ADGRD1: variants seen among roughly 807,000 people sequenced by gnomAD.
The protein encoded by ADGRD1 is adhesion G protein-coupled receptor D1.
Under a neutral mutation model 113.4 loss-of-function variants are expected in ADGRD1, and 77 were observed. The ratio of observed to expected loss-of-function variants is 0.68; its 90% CI spans 0.57 to 0.82. The LOEUF (loss-of-function observed/expected upper bound fraction) is 0.82, where lower values mean the gene tolerates loss of function less well. Ranked by LOEUF, ADGRD1 falls within the 40% of genes least tolerant of loss-of-function variation. The pLI, the probability that ADGRD1 is intolerant of heterozygous loss-of-function variation, is 0.00. For missense variants in ADGRD1, 1,036 were observed against 1,139.1 expected, an observed-to-expected ratio of 0.91 and a Z score of 1.30; for synonymous variants, 474 against 475.0, an observed-to-expected ratio of 1.00 and a Z score of 0.03.
chr12:131,118,338 G>A, intron 18 of ADGRD1, 47 bp from the exon 19 acceptor site: 2 of 1,444,156 alleles, frequency 1.4e-6, no homozygotes, highest in East Asian at 2.3e-5. Flanking sequence ...GGGAGGGAGG[G>A]AAGAAAACTG....
At chr12:131,104,956 A>C (rs1593222952) in intron 16 of ADGRD1, 22 bp downstream of exon 16, 1 of 1,480,426 alleles carries the variant, frequency 6.8e-7, no homozygotes, top group Non-Finnish European at 9.2e-7. Flanking sequence ...TTTCTAATCC[A>C]CCCAACAGTC....
rs73473249 is a variant in ADGRD1, at chr12:130,995,772, T to A, written c.966+3380T>A. Among the ~76,000 whole-genome samples, 1,334 of 152,288 alleles carry A rather than the reference T, an allele frequency of 8.8e-3. 11 individuals are homozygous for A. Among genetic ancestry groups the A allele is most frequent in the African/African-American group, 0.028 (1,180 of 41,548 alleles). On this transcript the variant is annotated intron_variant, in intron 8 of 24. Transcript: ENST00000261654. ...TCAACCTGTTTTATTTTATTTTTTT[T>A]AATTTTTTATTGATCATTCTTGGGT...
At chr12:130,997,721 T>G in intron 8 of ADGRD1, among the ~76,000 whole-genome samples, 1 of 137,714 alleles carries the variant, frequency 7.3e-6, no homozygotes, top group South Asian at 2.4e-4. Flanking sequence ...CTTTCCAGAC[T>G]GGGCAGCCAG....
intron 4 of ADGRD1, among the ~76,000 whole-genome samples, chr12:130,974,197 C>T (rs1296674173): frequency 2.0e-5 from 3 of 152,070 alleles, no homozygotes; most frequent in East Asian, 1.9e-4. Flanking sequence ...CTTCTGTGTG[C>T]GGGAAAACAA....
intron 15 of ADGRD1, among the ~76,000 whole-genome samples, chr12:131,093,455 G>A (rs1371460848): frequency 2.0e-5 from 3 of 152,210 alleles, no homozygotes; most frequent in East Asian, 1.9e-4. Flanking sequence ...CGTGCCCCGC[G>A]GTTACCCAGC....
chr12:131,115,004 C>A (rs576685921), intron 18 of ADGRD1, among the ~76,000 whole-genome samples: 1 of 152,272 alleles, frequency 6.6e-6, no homozygotes, highest in South Asian at 2.1e-4. Context: ...CCTCTAGGGA[C>A]AAAACTTAAT....
intron 2 of ADGRD1, among the ~76,000 whole-genome samples, chr12:130,963,188 C>T (rs567943296): frequency 1.4e-3 from 216 of 151,912 alleles, no homozygotes; most frequent in African/African-American, 4.6e-3. Context: ...GGCGTGGTGG[C>T]GGGCGCCTGT....
At position 130,979,817 on chromosome 12, in the gene ADGRD1, TCACA is replaced by T. The variant is rs10526212; in HGVS notation, c.311-2025_311-2022del. 9.8e-3 allele frequency among the ~76,000 whole-genome samples: 527 copies of T among 53,918 alleles called. 3 individuals carry two copies. The highest frequency in any genetic ancestry group is 0.016 in the African/African-American group (468 of 29,294). 35.4% of individuals were successfully genotyped at this position (53,918 alleles called of 152,430 possible). ...AGAATCCAGACAGGCAGCTAGTGTC[TCACA>T]CACACACACACACACACACACACAC... is the stretch of plus-strand genomic sequence containing the variant. On this transcript the variant is annotated intron_variant, in intron 4 of 24. Transcript: ENST00000261654.
At chr12:131,088,972 A>G (rs2137238950) in intron 15 of ADGRD1, among the ~76,000 whole-genome samples, 1 of 152,232 alleles carries the variant, frequency 6.6e-6, no homozygotes. Context: ...TGGCATCCTC[A>G]TTTCCGACAA....
intron 15 of ADGRD1, among the ~76,000 whole-genome samples, chr12:131,086,437 G>A (rs1370527357): frequency 6.6e-6 from 1 of 152,134 alleles, no homozygotes; most frequent in Admixed American, 6.5e-5. Context: ...CGGATCCAGC[G>A]CTCAGCCCAG....
intron 15 of ADGRD1, among the ~76,000 whole-genome samples, chr12:131,098,656 C>A (rs1340986103): frequency 6.6e-6 from 1 of 152,198 alleles, no homozygotes; most frequent in East Asian, 1.9e-4. Flanking sequence ...TTTCTCAGAT[C>A]ATGGCCGTGT....
At chr12:131,101,686 A>G (rs1253406272) in intron 15 of ADGRD1, among the ~76,000 whole-genome samples, 2 of 151,988 alleles carry the variant, frequency 1.3e-5, no homozygotes, top group African/African-American at 4.8e-5. Flanking sequence ...TCTGGCCTCC[A>G]TTGGTTTTTA....
chr12:131,135,988 T>C (rs1247766831), intron 21 of ADGRD1, 49 bp from the exon 22 acceptor site: 1 of 1,608,724 alleles, frequency 6.2e-7, no homozygotes, highest in African/African-American at 1.3e-5. Flanking sequence ...CCTCACAGCC[T>C]GCACCTGCCC....
chr12:131,098,744 C>T (rs760932854), intron 15 of ADGRD1, among the ~76,000 whole-genome samples: 18 of 152,226 alleles, frequency 1.2e-4, no homozygotes, highest in Admixed American at 4.6e-4. Context: ...CTCATCAACA[C>T]GACACTGGCA....
chr12:130,983,224 G>A (rs10744488), intron 5 of ADGRD1, among the ~76,000 whole-genome samples: 118,968 of 152,100 alleles, frequency 0.78, 48,551 homozygotes, highest in East Asian at 0.94. Flanking sequence ...GGCATAAAGC[G>A]TGGAATGATG....
chr12:131,108,769 A>C lies in ADGRD1; in HGVS notation c.1933A>C (p.Ser645Arg). The C allele has an allele frequency of 1.9e-6, 3 of 1,614,030 alleles. No individual in the cohort carries two copies. Among genetic ancestry groups the C allele is most frequent in the Non-Finnish European group, 2.5e-6 (3 of 1,180,000 alleles). The change falls in exon 18 of 25, where the codon AGT becomes CGT. Residue 645 changes from serine to arginine, a missense_variant. Coordinates refer to ENST00000261654, the MANE Select transcript of ADGRD1 (RefSeq NM_198827.5). Reference sequence around the variant, plus strand: ...CGTGCTCCTACACTACTTCTTCCTGAGTGCCTTCGCATGGATGCTGGTGGA... The same window carrying C: ...CGTGCTCCTACACTACTTCTTCCTGCGTGCCTTCGCATGGATGCTGGTGGA... ...MAVLLHYFFLSAFAWMLVEGL... is the reference protein window; with the variant it reads ...MAVLLHYFFLRAFAWMLVEGL...
intron 12 of ADGRD1, among the ~76,000 whole-genome samples, chr12:131,011,778 G>A (rs1004389726): frequency 1.6e-4 from 25 of 152,244 alleles, no homozygotes; most frequent in Admixed American, 1.3e-4. Flanking sequence ...AATTGCACAC[G>A]TGTTGAGTTC....
intron 13 of ADGRD1, among the ~76,000 whole-genome samples, chr12:131,053,062 A>G (rs997279246): frequency 1.4e-4 from 22 of 152,324 alleles, no homozygotes; most frequent in African/African-American, 5.3e-4. Context: ...GTGGGGCCAA[A>G]TGATCCTTTC....
intron 13 of ADGRD1, among the ~76,000 whole-genome samples, chr12:131,034,867 C>T (rs763452709): frequency 2.6e-5 from 4 of 152,166 alleles, no homozygotes; most frequent in Non-Finnish European, 5.9e-5. Flanking sequence ...AACACAGGGC[C>T]GCTCTTGCCT....
Sources: allele counts gnomAD v4.1 joint callset (sites outside exome capture counted in the v4.1 genomes callset), GRCh38; gene constraint gnomAD v4.1.1; transcripts MANE v1.5; gene names NCBI Gene and HGNC (gene_info 2026-07-23, HGNC 2026-07-21).